Variants in ZC3H15 observed in about 807,000 individuals in gnomAD.
The protein encoded by ZC3H15 is zinc finger CCCH domain-containing protein 15.
ZC3H15 carries 15 observed loss-of-function variants against 51.2 expected under a neutral mutation model. The ratio of observed to expected loss-of-function variants is 0.29; its 90% CI spans 0.20 to 0.45. The LOEUF (loss-of-function observed/expected upper bound fraction) is 0.45. Among genes scored for constraint, ZC3H15 ranks in the 20% least tolerant of loss-of-function variants. The probability of loss-of-function intolerance (pLI) is 1.00; values close to 1 mark genes in which losing one functional copy is unlikely to be tolerated. For synonymous variants in ZC3H15, 144 were observed against 162.8 expected (o/e 0.88, Z 0.88); for missense variants, 381 against 494.7 (o/e 0.77, Z 2.18).
At chr2:186,502,098 C>T (rs1345726166) in intron 4 of ZC3H15, among the ~76,000 whole-genome samples, 1 of 151,888 alleles carries the variant, frequency 6.6e-6, no homozygotes, top group African/African-American at 2.4e-5. Context: ...CCTATAATCC[C>T]AGCACTTTGG....
chr2:186,503,961 A>G (rs1253414475), intron 5 of ZC3H15, 71 bp from the exon 6 acceptor site: 7 of 1,283,182 alleles, frequency 5.5e-6, no homozygotes, highest in African/African-American at 1.5e-5. Context: ...TACTTGTTCC[A>G]TATACTCAGG....
chr2:186,486,471 C>A lies in ZC3H15; in HGVS notation c.75+14C>A. 1 of 1,543,624 alleles carries A rather than the reference C, an allele frequency of 6.5e-7. No individual in the cohort carries two copies. The highest frequency in any genetic ancestry group is 8.8e-7 in the Non-Finnish European group (1 of 1,141,872). ...AAGATTATCGAAGTGAGTACCCACC[C>A]CTCCCCCACTCACGCCGCGAGCCCT... On this transcript the variant is annotated intron_variant, in intron 1 of 9. Transcript: ENST00000337859.
chr2:186,504,264 T>C, intron 6 of ZC3H15, 50 bp downstream of exon 6: 2 of 1,462,458 alleles, frequency 1.4e-6, no homozygotes, highest in Non-Finnish European at 1.8e-6. Flanking sequence ...GTATTTATTG[T>C]GAAATTCTAA....
At chr2:186,506,616 TG>T in intron 8 of ZC3H15, 96 bp from the exon 9 acceptor site, 1 of 1,364,974 alleles carries the variant, frequency 7.3e-7, no homozygotes, top group Non-Finnish European at 9.9e-7. Context: ...TGTTTTCACT[TG>T]GATCAGTGAT....
At chr2:186,504,617 T>C (rs1685439462) in intron 6 of ZC3H15, among the ~76,000 whole-genome samples, 1 of 152,168 alleles carries the variant, frequency 6.6e-6, no homozygotes. Flanking sequence ...GTTTTTAAAT[T>C]ATATGTTTTA....
rs757980082 is a variant in ZC3H15 at position 186,505,620 on chromosome 2, C to T, written c.864+23C>T. 6 of 1,598,044 alleles carry T rather than the reference C, an allele frequency of 3.8e-6. No individual in the cohort carries two copies. The Admixed American group carries it at 5.1e-5, about 14-fold the overall frequency. ...GTGGTATGTCTCAGGCTCACCCAAA[C>T]TGATTCTTTATTCTTCCATTTTCAA... On this transcript the variant is annotated intron_variant, in intron 7 of 9. Transcript: ENST00000337859.
intron 1 of ZC3H15, among the ~76,000 whole-genome samples, chr2:186,494,055 G>A (rs978385943): frequency 4.0e-5 from 6 of 150,900 alleles, no homozygotes; most frequent in African/African-American, 7.3e-5. Flanking sequence ...ATATGTTTTT[G>A]TACTGCATAC....
At chr2:186,496,203 T>C (rs1213808304) in intron 2 of ZC3H15, among the ~76,000 whole-genome samples, 1 of 152,242 alleles carries the variant, frequency 6.6e-6, no homozygotes, top group Non-Finnish European at 1.5e-5. Context: ...ATTTTATTTT[T>C]ATAGTCTATG....
At chr2:186,492,349 G>C (rs769200209) in intron 1 of ZC3H15, among the ~76,000 whole-genome samples, 7 of 152,210 alleles carry the variant, frequency 4.6e-5, no homozygotes, top group Non-Finnish European at 8.8e-5. Context: ...TGAATTGAGT[G>C]TTAAACTTTC....
intron 1 of ZC3H15, among the ~76,000 whole-genome samples, chr2:186,490,106 A>G (rs905850707): frequency 6.6e-6 from 1 of 151,776 alleles, no homozygotes; most frequent in Non-Finnish European, 1.5e-5. Context: ...TATTGCCTCC[A>G]TTTTTTTTAT....
At position 186,504,049 on chromosome 2, in the gene ZC3H15, G is replaced by A; in HGVS notation, c.552G>A (p.Leu184=). The A allele has an allele frequency of 1.9e-6, 3 of 1,594,422 alleles. No individual in the cohort carries two copies. The highest frequency in any genetic ancestry group is 2.3e-5 in the East Asian group (1 of 44,320). The change falls in exon 6 of 10, where the codon CTG becomes CTA. Residue 184 remains leucine, a synonymous_variant. Transcript: ENST00000337859. ...CTCTATAGGTGTGCAAGCATTTCCTGGAAGCTATTGAAAACAACAAGTATG... is the reference window on the plus strand; with the variant it reads ...CTCTATAGGTGTGCAAGCATTTCCTAGAAGCTATTGAAAACAACAAGTATG... ...PKTQIVCKHF[L]EAIENNKYGW... is the part of the protein sequence containing the mutation.
intron 1 of ZC3H15, among the ~76,000 whole-genome samples, chr2:186,491,236 T>A (rs1455574888): frequency 1.3e-5 from 2 of 152,176 alleles, no homozygotes; most frequent in African/African-American, 4.8e-5. Context: ...TGGAGTCAAA[T>A]ATACCTAGGT....
rs1056775129 is a variant in ZC3H15, at chr2:186,495,172, A to G, written c.76-61A>G. The stretch of plus-strand genomic sequence containing the variant: ...ATAAAAATAATGATTTTTAGATATC[A>G]TTGGAGGATATATATGGTAACATAA... On this transcript the variant is annotated intron_variant, in intron 1 of 9. Coordinates refer to ENST00000337859, the MANE Select transcript of ZC3H15 (RefSeq NM_018471.3). 7.1e-5 allele frequency: 65 copies of G among 921,340 alleles called. No homozygotes were observed. The African/African-American group carries it at 1.1e-3, about 15-fold the overall frequency. The allele number at this position is 921,340 out of a possible 1,614,324, so 57.1% of individuals were successfully genotyped here.
chr2:186,500,147 A>G (rs548845810), intron 2 of ZC3H15, 35 bp from the exon 3 acceptor site: 7 of 1,562,492 alleles, frequency 4.5e-6, no homozygotes, highest in African/African-American at 2.8e-5. Flanking sequence ...TTTGTAAACA[A>G]TCAAATTTAC....
chr2:186,496,696 C>T (rs1685287618), intron 2 of ZC3H15, among the ~76,000 whole-genome samples: 1 of 152,172 alleles, frequency 6.6e-6, no homozygotes, highest in African/African-American at 2.4e-5. Context: ...ATATTACAGC[C>T]TACTACACAC....
intron 1 of ZC3H15, among the ~76,000 whole-genome samples, chr2:186,494,859 C>T (rs1237033211): frequency 6.6e-6 from 1 of 151,954 alleles, no homozygotes; most frequent in African/African-American, 2.4e-5. Flanking sequence ...GGAGATGTAC[C>T]TAATGTAAAT....
chr2:186,501,222 C>T (rs771879957), intron 3 of ZC3H15, 51 bp from the exon 4 acceptor site: 11 of 1,504,776 alleles, frequency 7.3e-6, no homozygotes, highest in Non-Finnish European at 8.9e-6. Flanking sequence ...AGAATCTATA[C>T]TTTACAGCCT....
intron 4 of ZC3H15, 148 bp from the exon 5 acceptor site, chr2:186,502,348 A>T (rs1685398376): frequency 1.7e-6 from 1 of 587,950 alleles, no homozygotes; most frequent in South Asian, 2.5e-5. Context: ...CTCCATCCTG[A>T]GCAACAGTGA....
intron 2 of ZC3H15, among the ~76,000 whole-genome samples, chr2:186,498,825 T>C (rs1203570123): frequency 1.3e-5 from 2 of 152,216 alleles, no homozygotes; most frequent in Non-Finnish European, 2.9e-5. Context: ...TTAAGTACCA[T>C]ATACCCAAAG....
Sources: allele counts gnomAD v4.1 joint callset (sites outside exome capture counted in the v4.1 genomes callset), GRCh38; gene constraint gnomAD v4.1.1; transcripts MANE v1.5; gene names NCBI Gene and HGNC (gene_info 2026-07-23, HGNC 2026-07-21).